The following MAGI3 variants were observed in gnomAD, a reference collection of about 807,000 sequenced individuals.
MAGI3 encodes membrane-associated guanylate kinase, WW and PDZ domain-containing protein 3.
Under a neutral mutation model 121.8 loss-of-function variants are expected in MAGI3, and 43 were observed. That is an observed-to-expected ratio of 0.35 (90% CI 0.28 to 0.46). The LOEUF is 0.46. Among genes scored for constraint, MAGI3 ranks in the 20% least tolerant of loss-of-function variants. The pLI, the probability that MAGI3 is intolerant of heterozygous loss-of-function variation, is 1.00. For synonymous variants in MAGI3, 553 were observed against 639.3 expected, an observed-to-expected ratio of 0.86 and a Z score of 2.04; for missense variants, 1,547 against 1,797.3, an observed-to-expected ratio of 0.86 and a Z score of 2.52.
chr1:113,437,869 CTTCTT>C (rs1653684857), intron 1 of MAGI3, among the ~76,000 whole-genome samples: 2 of 7,930 alleles, frequency 2.5e-4, no homozygotes, highest in Non-Finnish European at 4.5e-4. Context: ...TCTTCCTCTT[CTTCTT>C]CTTCTCCTTC....
At chr1:113,503,394 G>C (rs982850228) in intron 1 of MAGI3, among the ~76,000 whole-genome samples, 8 of 146,292 alleles carry the variant, frequency 5.5e-5, no homozygotes, top group African/African-American at 2.0e-4. Context: ...TCTCAATACT[G>C]TAAATATTTT....
At chr1:113,603,419 A>G (rs569113815) in intron 6 of MAGI3, among the ~76,000 whole-genome samples, 10 of 152,334 alleles carry the variant, frequency 6.6e-5, no homozygotes, top group African/African-American at 2.4e-4. Context: ...AAATTCTACC[A>G]GACATTCAAA....
Position 113,663,823 on chromosome 1 carries a change from A to G in MAGI3, c.2815+4558A>G, listed in dbSNP as rs142812989. ...CCTTTTATATTCCCACCAGCAATGT[A>G]TGAGGCTTCCATTTCCCCATATCCT... is the stretch of plus-strand genomic sequence containing the variant. On this transcript the variant is annotated intron_variant, in intron 16 of 20. Transcript: ENST00000307546. Among the ~76,000 whole-genome samples the G allele has an allele frequency of 6.6e-5, 10 of 152,276 alleles. No individual in the cohort carries two copies. The East Asian group carries it at 1.9e-3, about 29-fold the overall frequency.
chr1:113,538,915 T>C (rs1659131096), intron 1 of MAGI3, among the ~76,000 whole-genome samples: 1 of 152,182 alleles, frequency 6.6e-6, no homozygotes, highest in Non-Finnish European at 1.5e-5. Context: ...ATGTAGAACT[T>C]GGAAGTTTTT....
rs763275033 is a variant in MAGI3 at position 113,622,831 on chromosome 1, A to C, written c.1197A>C (p.Arg399Ser). ...KPDMEKSHFT[R>S]DPSQLKGVLV... is the part of the protein sequence containing the mutation. ...ATATGGAAAAATCACACTTCACAAG[A>C]GATCCATCCCAGCTTAAAGGTGTCC... is the stretch of plus-strand genomic sequence containing the variant. The change falls in exon 9 of 21, where the codon AGA becomes AGC. Residue 399 changes from arginine to serine, a missense_variant. By Grantham distance (110) the Arg-to-Ser change is moderately radical (BLOSUM62 -1). Coordinates refer to ENST00000307546, the MANE Select transcript of MAGI3 (RefSeq NM_001142782.2). 6 of 1,587,334 alleles carry C rather than the reference A, an allele frequency of 3.8e-6. No individual in the cohort carries two copies. The highest frequency in any genetic ancestry group is 3.4e-6 in the Non-Finnish European group (4 of 1,171,822).
chr1:113,404,809 G>A lies in MAGI3; in HGVS notation c.316+13460G>A, dbSNP rs190466143. On this transcript the variant is annotated intron_variant, in intron 1 of 20. Transcript: ENST00000307546. ...TAATAGCAGAGCACTGGAGGGAAGG[G>A]CCACAAAACTCTTCACCCCAAGGTC... Among the ~76,000 whole-genome samples the A allele has an allele frequency of 1.6e-3, 243 of 152,078 alleles. 1 individual carries two copies. Among genetic ancestry groups the A allele is most frequent in the East Asian group, 5.2e-3 (27 of 5,158 alleles).
At chr1:113,439,906 C>T (rs1023170058) in intron 1 of MAGI3, among the ~76,000 whole-genome samples, 1 of 150,852 alleles carries the variant, frequency 6.6e-6, no homozygotes. Context: ...TGTTTTGACT[C>T]TACGGTCTCC....
intron 6 of MAGI3, among the ~76,000 whole-genome samples, chr1:113,596,764 T>G (rs1034516887): frequency 6.6e-6 from 1 of 151,690 alleles, no homozygotes; most frequent in Admixed American, 6.6e-5. Flanking sequence ...AAAACCACTG[T>G]GATCTACTAC....
chr1:113,454,053 TAGA>T (rs1395626357), intron 1 of MAGI3, among the ~76,000 whole-genome samples: 2 of 152,224 alleles, frequency 1.3e-5, no homozygotes, highest in Non-Finnish European at 2.9e-5. Context: ...CAGATATCTC[TAGA>T]AGAGTTACCA....
intron 1 of MAGI3, among the ~76,000 whole-genome samples, chr1:113,424,087 G>C (rs1257873571): frequency 6.6e-6 from 1 of 152,122 alleles, no homozygotes; most frequent in Non-Finnish European, 1.5e-5. Flanking sequence ...ACCTGCACTA[G>C]GGAGTGCGGG....
At chr1:113,479,764 A>G (rs570324215) in intron 1 of MAGI3, among the ~76,000 whole-genome samples, 2 of 152,102 alleles carry the variant, frequency 1.3e-5, no homozygotes, top group East Asian at 3.9e-4. Flanking sequence ...GCCATAGACT[A>G]TCTTCACTCT....
chr1:113,629,753 T>TCC (rs1557861397), intron 9 of MAGI3, among the ~76,000 whole-genome samples: 13 of 117,324 alleles, frequency 1.1e-4, no homozygotes, highest in South Asian at 3.0e-4. Flanking sequence ...TCTCTCTCTC[T>TCC]CTCTCTCTCC....
chr1:113,526,737 G>A (rs1557804387), intron 1 of MAGI3, among the ~76,000 whole-genome samples: 1 of 152,170 alleles, frequency 6.6e-6, no homozygotes, highest in South Asian at 2.1e-4. Context: ...GCTCAATCAG[G>A]CTAAAGATGT....
chr1:113,684,086 T>C lies in MAGI3; in HGVS notation c.*72T>C. 2 of 1,414,474 alleles carry C rather than the reference T, an allele frequency of 1.4e-6. No homozygotes were observed. Among genetic ancestry groups the C allele is most frequent in the Non-Finnish European group, 1.9e-6 (2 of 1,074,134 alleles). The allele number at this position is 1,414,474 out of a possible 1,614,324, so 87.6% of individuals were successfully genotyped here. ...GCAGCATTTTTCCAGAAAAAGCCTT[T>C]TTTTTTTTTTCAGATATTCTGAAAC... On this transcript the variant is annotated 3_prime_UTR_variant, in exon 21 of 21. Transcript: ENST00000307546.
chr1:113,629,729 CCTCTCT>C (rs374062732), intron 9 of MAGI3, among the ~76,000 whole-genome samples: 1,193 of 111,572 alleles, frequency 0.011, 8 homozygotes, highest in Admixed American at 0.016. Context: ...AGTCAGTCTC[CCTCTCT>C]CTCTCTCTCT....
intron 1 of MAGI3, among the ~76,000 whole-genome samples, chr1:113,491,565 C>G (rs1216170344): frequency 2.6e-5 from 4 of 151,956 alleles, no homozygotes; most frequent in African/African-American, 4.8e-5. Flanking sequence ...AAAAACCATT[C>G]AAAAGATCAG....
intron 20 of MAGI3, among the ~76,000 whole-genome samples, chr1:113,681,666 A>C (rs1648226568): frequency 6.6e-6 from 1 of 152,244 alleles, no homozygotes. Context: ...TCTCTTCAAA[A>C]TATCCCAGCT....
intron 1 of MAGI3, among the ~76,000 whole-genome samples, chr1:113,403,227 T>G (rs962819252): frequency 6.6e-6 from 1 of 151,988 alleles, no homozygotes; most frequent in Non-Finnish European, 1.5e-5. Context: ...ATCAGGAGGT[T>G]GCTACTGAAA....
chr1:113,446,908 C>CA (rs899184220), intron 1 of MAGI3, among the ~76,000 whole-genome samples: 35 of 152,168 alleles, frequency 2.3e-4, no homozygotes, highest in African/African-American at 8.0e-4. Flanking sequence ...CACAGAAAGA[C>CA]AAATACTATA....
Sources: gnomAD v4.1 joint callset for allele counts (sites outside exome capture counted in the v4.1 genomes callset) on GRCh38, gnomAD v4.1.1 for gene constraint, MANE v1.5 for transcripts, NCBI Gene and HGNC (gene_info 2026-07-23, HGNC 2026-07-21) for gene names.